Variants in GALNT18 observed in about 807,000 individuals in gnomAD.
The protein encoded by GALNT18 is GalNAc-transferase 18.
A neutral mutation model predicts 69.5 loss-of-function variants in GALNT18; 44 were observed. The ratio of observed to expected loss-of-function variants is 0.63; its 90% CI spans 0.50 to 0.81. The LOEUF (loss-of-function observed/expected upper bound fraction) is 0.81. GALNT18 is among the 40% of genes least tolerant of loss of function. The probability of loss-of-function intolerance (pLI) is 0.00; values close to 1 mark genes in which losing one functional copy is unlikely to be tolerated. For missense variants in GALNT18, 715 were observed against 810.0 expected, an observed-to-expected ratio of 0.88 and a Z score of 1.42; for synonymous variants, 364 against 318.2, an observed-to-expected ratio of 1.14 and a Z score of -1.53.
intron 9 of GALNT18, among the ~76,000 whole-genome samples, chr11:11,312,522 A>G (rs1849689009): frequency 6.6e-6 from 1 of 152,150 alleles, no homozygotes; most frequent in South Asian, 2.1e-4. Context: ...CAGGCTGAGG[A>G]GGAGGAAGAG....
intron 1 of GALNT18, among the ~76,000 whole-genome samples, chr11:11,490,225 TCTC>T (rs1856734977): frequency 1.3e-5 from 1 of 76,956 alleles, no homozygotes; most frequent in Non-Finnish European, 2.6e-5. Flanking sequence ...TCTCTCTCTC[TCTC>T]TCTCTAACAC....
rs1461345714 is a variant in GALNT18, at chr11:11,538,962, C to T, written c.235+82397G>A. Among the ~76,000 whole-genome samples, 3 of 152,212 alleles carry T rather than the reference C, an allele frequency of 2.0e-5. No individual in the cohort carries two copies. Among genetic ancestry groups the T allele is most frequent in the African/African-American group, 4.8e-5 (2 of 41,448 alleles). ...GGTGCCGTGGGCCTCCCTTTTCACTCAGTCCCAGGATGTGGGCATATCCAG... is the reference window on the plus strand; with the variant it reads ...GGTGCCGTGGGCCTCCCTTTTCACTTAGTCCCAGGATGTGGGCATATCCAG... On this transcript the variant is annotated intron_variant, in intron 1 of 10. Coordinates refer to ENST00000227756, the MANE Select transcript of GALNT18 (RefSeq NM_198516.3). This position sits in a 1 kb window ranked among gnomAD's most constrained non-coding sequence, Gnocchi z 5.2.
At chr11:11,293,589 G>A (rs1455039115) in intron 9 of GALNT18, among the ~76,000 whole-genome samples, 1 of 120,562 alleles carries the variant, frequency 8.3e-6, no homozygotes, top group Non-Finnish European at 1.6e-5. Context: ...TGCCCAGCCT[G>A]GAGTGCAGTG....
At chr11:11,474,202 T>TGG (rs796873134) in intron 1 of GALNT18, among the ~76,000 whole-genome samples, 4 of 152,140 alleles carry the variant, frequency 2.6e-5, no homozygotes, top group African/African-American at 9.6e-5. Context: ...TTAGATAGAG[T>TGG]GGTCAACACA....
intron 1 of GALNT18, among the ~76,000 whole-genome samples, chr11:11,499,336 A>T (rs953747901): frequency 6.6e-6 from 1 of 152,262 alleles, no homozygotes; most frequent in African/African-American, 2.4e-5. Flanking sequence ...TTTCACTGTC[A>T]TGTCCTCTAC....
intron 1 of GALNT18, among the ~76,000 whole-genome samples, chr11:11,499,991 G>C (rs1423275806): frequency 6.6e-6 from 1 of 152,152 alleles, no homozygotes. Context: ...AATTATCAAA[G>C]AGAAAGATGC....
At chr11:11,449,199 T>C (rs978774853) in intron 1 of GALNT18, among the ~76,000 whole-genome samples, 1 of 152,198 alleles carries the variant, frequency 6.6e-6, no homozygotes, top group Non-Finnish European at 1.5e-5. Context: ...GGATGTGACA[T>C]TGATGCCCCA....
chr11:11,324,099 A>C (rs1285459042), intron 9 of GALNT18, among the ~76,000 whole-genome samples: 2 of 152,190 alleles, frequency 1.3e-5, no homozygotes, highest in Non-Finnish European at 2.9e-5. Context: ...CATCTTCAAG[A>C]CAAGAAAGGA....
intron 1 of GALNT18, among the ~76,000 whole-genome samples, chr11:11,565,684 T>C (rs1484810425): frequency 6.6e-6 from 1 of 152,168 alleles, no homozygotes; most frequent in East Asian, 1.9e-4. Context: ...GAATAAAACA[T>C]GGACCCTGCC....
rs772705862 is a variant in GALNT18 at position 11,288,292 on chromosome 11, C to T, written c.1677+4737G>A. ...TCTGCACACAACAGACAATGGATTC[C>T]TACTACTAAAATATGCTCAGCTATT... is the stretch of plus-strand genomic sequence containing the variant. On this transcript the variant is annotated intron_variant, in intron 10 of 10. Coordinates refer to ENST00000227756, the MANE Select transcript of GALNT18 (RefSeq NM_198516.3). 5.1e-4 allele frequency among the ~76,000 whole-genome samples: 77 copies of T among 152,152 alleles called. 1 individual carries two copies. The highest frequency in any genetic ancestry group is 3.3e-4 in the Admixed American group (5 of 15,274).
At chr11:11,578,984 CAGGAAGGA>C (rs1030091427) in intron 1 of GALNT18, among the ~76,000 whole-genome samples, 4 of 152,006 alleles carry the variant, frequency 2.6e-5, no homozygotes, top group Admixed American at 6.6e-5. Context: ...CCCCTGGCTT[CAGGAAGGA>C]AGGAAGGAAA....
chr11:11,588,393 G>A (rs955901440), intron 1 of GALNT18, among the ~76,000 whole-genome samples: 7 of 152,138 alleles, frequency 4.6e-5, no homozygotes, highest in African/African-American at 1.2e-4. Flanking sequence ...ATGGATGCAC[G>A]GACAAATGGA....
chr11:11,517,781 T>C (rs1323054316), intron 1 of GALNT18, among the ~76,000 whole-genome samples: 6 of 152,090 alleles, frequency 3.9e-5, no homozygotes, highest in Admixed American at 6.5e-5. Context: ...CCGTGGTCCC[T>C]ACCCCAGCCC....
intron 3 of GALNT18, among the ~76,000 whole-genome samples, chr11:11,390,779 C>T (rs983379651): frequency 2.0e-5 from 3 of 152,128 alleles, no homozygotes; most frequent in Non-Finnish European, 4.4e-5. Context: ...CTGGCCTTCC[C>T]GTTTTTCTTT....
intron 10 of GALNT18, among the ~76,000 whole-genome samples, chr11:11,273,381 T>C (rs907373056): frequency 6.6e-6 from 1 of 152,058 alleles, no homozygotes; most frequent in Non-Finnish European, 1.5e-5. Flanking sequence ...AATTAAAAAA[T>C]GGGCAAAAGA....
intron 1 of GALNT18, among the ~76,000 whole-genome samples, chr11:11,561,893 C>T (rs1168131280): frequency 1.3e-5 from 2 of 152,208 alleles, no homozygotes; most frequent in African/African-American, 2.4e-5. Flanking sequence ...CACCTCACCA[C>T]AGATCCACAG....
At chr11:11,612,085 G>C (rs543585033) in intron 1 of GALNT18, among the ~76,000 whole-genome samples, 1 of 152,116 alleles carries the variant, frequency 6.6e-6, no homozygotes, top group Non-Finnish European at 1.5e-5. Context: ...CATTGGTTTT[G>C]TAGCCAGTTT....
At position 11,353,554 on chromosome 11, in the gene GALNT18, T is replaced by C. The variant is rs115543548; in HGVS notation, c.1093-12550A>G. ...ATATGAAGATGAACCACTTACTCAC[T>C]TAAAGTATTTCTTTTTTTATGTCTC... On this transcript the variant is annotated intron_variant, in intron 6 of 10. Coordinates refer to ENST00000227756, the MANE Select transcript of GALNT18 (RefSeq NM_198516.3). 9.6e-3 allele frequency among the ~76,000 whole-genome samples: 1,455 copies of C among 152,336 alleles called. 29 individuals carry two copies. Among genetic ancestry groups the C allele is most frequent in the African/African-American group, 0.033 (1,377 of 41,578 alleles).
chr11:11,420,488 C>G (rs764938004), intron 3 of GALNT18, among the ~76,000 whole-genome samples: 3 of 152,164 alleles, frequency 2.0e-5, no homozygotes, highest in African/African-American at 4.8e-5. Context: ...TTTGGGGCAG[C>G]CTTTCAGGAA....
Sources: allele counts gnomAD v4.1 joint callset (sites outside exome capture counted in the v4.1 genomes callset), GRCh38; gene constraint gnomAD v4.1.1; non-coding constraint Gnocchi (gnomAD v3.1); transcripts MANE v1.5; gene names NCBI Gene and HGNC (gene_info 2026-07-23, HGNC 2026-07-21).